The following KLF17 variants were observed in gnomAD, a reference collection of about 807,000 sequenced individuals.
KLF17 encodes Krueppel-like factor 17.
In KLF17, 31 loss-of-function variants were observed where a neutral mutation model predicts 34.2. The ratio of observed to expected loss-of-function variants is 0.91; its 90% CI spans 0.68 to 1.22. KLF17 has a LOEUF of 1.22. Ranked by LOEUF, KLF17 falls within the 50% of genes most tolerant of loss-of-function variation. The probability of loss-of-function intolerance (pLI) is 0.00; values close to 1 mark genes in which losing one functional copy is unlikely to be tolerated. For synonymous variants in KLF17, 179 were observed against 186.7 expected, an observed-to-expected ratio of 0.96 and a Z score of 0.34; for missense variants, 478 against 505.2, an observed-to-expected ratio of 0.95 and a Z score of 0.52.
the KLF17 span, among the ~76,000 whole-genome samples, chr1:44,082,505 T>G: frequency 6.6e-6 from 1 of 152,238 alleles, no homozygotes; most frequent in Non-Finnish European, 1.5e-5. Context: ...ATTTTGTGTA[T>G]GTCCCCAGGC....
chr1:44,130,450 C>T (rs1160871815), intron 2 of KLF17, 62 bp from the exon 3 acceptor site: 9 of 1,601,414 alleles, frequency 5.6e-6, no homozygotes, highest in East Asian at 2.2e-5. Context: ...CTCTGCCTCA[C>T]AGAGTTAGAC....
the KLF17 span, among the ~76,000 whole-genome samples, chr1:44,082,828 A>T: frequency 6.6e-6 from 1 of 152,188 alleles, no homozygotes; most frequent in African/African-American, 2.4e-5. Flanking sequence ...TGATACATTC[A>T]GAAGGGAAAA....
chr1:44,099,826 G>GAAGT, the KLF17 span, among the ~76,000 whole-genome samples: 1 of 52,382 alleles, frequency 1.9e-5, no homozygotes, highest in East Asian at 5.6e-4. Flanking sequence ...GAAAGAAAAA[G>GAAGT]AAGAAAGAAA....
the KLF17 span, among the ~76,000 whole-genome samples, chr1:44,049,699 T>A: frequency 6.6e-6 from 1 of 152,160 alleles, no homozygotes. Context: ...TCCAGGCTGG[T>A]CTTTAACTCC....
At chr1:44,117,559 G>C (rs539906082), upstream of KLF17, among the ~76,000 whole-genome samples, 2 of 150,738 alleles carry the variant, frequency 1.3e-5, no homozygotes, top group African/African-American at 4.9e-5. Flanking sequence ...GCAATGGCGC[G>C]ATCTCGACAC....
At chr1:44,071,637 C>A in the KLF17 span, among the ~76,000 whole-genome samples, 1 of 152,226 alleles carries the variant, frequency 6.6e-6, no homozygotes, top group South Asian at 2.1e-4. Context: ...ACTTTCATGG[C>A]CACCTCCCTT....
the KLF17 span, chr1:44,110,550 C>G: frequency 6.6e-6 from 1 of 151,886 alleles, no homozygotes; most frequent in East Asian, 2.0e-4. Context: ...AAAAATTAGC[C>G]TGGTGTGGTG....
chr1:44,075,190 C>T, the KLF17 span, among the ~76,000 whole-genome samples: 67 of 151,918 alleles, frequency 4.4e-4, no homozygotes, highest in Non-Finnish European at 8.4e-4. Flanking sequence ...AGCTATTATT[C>T]CCAGTATAAT....
chr1:44,088,638 C>T, the KLF17 span, among the ~76,000 whole-genome samples: 1 of 152,194 alleles, frequency 6.6e-6, no homozygotes, highest in Non-Finnish European at 1.5e-5. Context: ...CTTCATTTAG[C>T]TTTAATTACC....
the KLF17 span, among the ~76,000 whole-genome samples, chr1:44,065,511 G>A: frequency 6.1e-5 from 9 of 147,914 alleles, no homozygotes; most frequent in Non-Finnish European, 1.0e-4. Flanking sequence ...CTAGATTCGA[G>A]TGATTCTCAT....
the KLF17 span, among the ~76,000 whole-genome samples, chr1:44,097,978 A>ATG: frequency 6.6e-6 from 1 of 152,044 alleles, no homozygotes; most frequent in East Asian, 1.9e-4. Flanking sequence ...CTTGATCATG[A>ATG]TGAATGATCT....
the KLF17 span, among the ~76,000 whole-genome samples, chr1:44,058,516 C>T: frequency 6.6e-6 from 1 of 152,042 alleles, no homozygotes; most frequent in Non-Finnish European, 1.5e-5. Flanking sequence ...GTCTCGAACT[C>T]CTAACCTTGT....
the KLF17 span, among the ~76,000 whole-genome samples, chr1:44,109,072 G>T: frequency 6.6e-6 from 1 of 152,128 alleles, no homozygotes; most frequent in Non-Finnish European, 1.5e-5. Context: ...TGTCTGAACT[G>T]GTGAGTTTTT....
chr1:44,131,184 T>C (rs1213690971), intron 3 of KLF17, among the ~76,000 whole-genome samples: 1 of 152,108 alleles, frequency 6.6e-6, no homozygotes, highest in Non-Finnish European at 1.5e-5. Context: ...AGGAAGATTA[T>C]GGGTCAGTGT....
the KLF17 span, among the ~76,000 whole-genome samples, chr1:44,090,306 CAA>C: frequency 4.0e-3 from 93 of 23,372 alleles, no homozygotes; most frequent in African/African-American, 0.017. Context: ...CTTGTCTCTA[CAA>C]AAAAAAAAAA....
intron 3 of KLF17, among the ~76,000 whole-genome samples, chr1:44,131,421 A>G (rs1224836608): frequency 6.6e-6 from 1 of 152,238 alleles, no homozygotes; most frequent in African/African-American, 2.4e-5. Context: ...TTCCAGAGCC[A>G]GACTATTTTC....
chr1:44,096,368 G>A, the KLF17 span, among the ~76,000 whole-genome samples: 3 of 150,936 alleles, frequency 2.0e-5, no homozygotes, highest in African/African-American at 7.3e-5. Flanking sequence ...AAGACTTCTA[G>A]TACTACATTG....
At chr1:44,109,636 G>A in the KLF17 span, among the ~76,000 whole-genome samples, 1 of 152,066 alleles carries the variant, frequency 6.6e-6, no homozygotes, top group Non-Finnish European at 1.5e-5. Flanking sequence ...TTCTTATGGA[G>A]AAAATAATCT....
chr1:44,099,681 G>A, the KLF17 span, among the ~76,000 whole-genome samples: 1 of 151,218 alleles, frequency 6.6e-6, no homozygotes, highest in Non-Finnish European at 1.5e-5. Context: ...GGGTGTGGTG[G>A]TGCATGCCTG....
Sources: allele counts gnomAD v4.1 joint callset (sites outside exome capture counted in the v4.1 genomes callset), GRCh38; gene constraint gnomAD v4.1.1; transcripts MANE v1.5; gene names NCBI Gene and HGNC (gene_info 2026-07-23, HGNC 2026-07-21).